PPARGC1A: variants seen among roughly 807,000 people sequenced by gnomAD.
The protein encoded by PPARGC1A is peroxisome proliferator-activated receptor gamma coactivator 1-alpha.
In PPARGC1A, 25 loss-of-function variants were observed where a neutral mutation model predicts 88.7. That is an observed-to-expected ratio of 0.28 (90% CI 0.21 to 0.39). The LOEUF (loss-of-function observed/expected upper bound fraction) is 0.39. Among genes scored for constraint, PPARGC1A ranks in the 10% least tolerant of loss-of-function variants. The pLI is 1.00. For synonymous variants in PPARGC1A, 363 were observed against 355.6 expected, an observed-to-expected ratio of 1.02 and a Z score of -0.24; for missense variants, 880 against 968.7, an observed-to-expected ratio of 0.91 and a Z score of 1.22.
At chr4:24,323,742 G>A in the PPARGC1A span, among the ~76,000 whole-genome samples, 1 of 152,140 alleles carries the variant, frequency 6.6e-6, no homozygotes, top group African/African-American at 2.4e-5. Context: ...TCGGATCGGG[G>A]GACCTCCCTT....
the PPARGC1A span, among the ~76,000 whole-genome samples, chr4:24,454,616 T>C: frequency 1.3e-5 from 2 of 152,012 alleles, no homozygotes; most frequent in African/African-American, 4.8e-5. Flanking sequence ...TGCATGCCTA[T>C]AGCCCCACCT....
At chr4:23,994,692 G>A in the PPARGC1A span, among the ~76,000 whole-genome samples, 6 of 152,222 alleles carry the variant, frequency 3.9e-5, no homozygotes, top group East Asian at 7.7e-4. Flanking sequence ...GCAAGAGCAT[G>A]CAGGGAAAAC....
the PPARGC1A span, among the ~76,000 whole-genome samples, chr4:24,421,477 A>AT: frequency 6.6e-6 from 1 of 151,888 alleles, no homozygotes; most frequent in East Asian, 1.9e-4. Context: ...AGTCCGGCTA[A>AT]TTTTTTTGCA....
At chr4:24,467,080 GGGA>G in the PPARGC1A span, among the ~76,000 whole-genome samples, 1 of 143,866 alleles carries the variant, frequency 7.0e-6, no homozygotes, top group African/African-American at 2.6e-5. Context: ...AAGAAAGAAA[GGGA>G]GAGAGAGAGA....
chr4:24,137,618 C>T, the PPARGC1A span, among the ~76,000 whole-genome samples: 824 of 152,262 alleles, frequency 5.4e-3, 31 homozygotes, highest in East Asian at 0.098. Flanking sequence ...TTCAGAGGCC[C>T]TTGCCCAGTC....
the PPARGC1A span, among the ~76,000 whole-genome samples, chr4:23,986,235 T>TA: frequency 2.6e-4 from 40 of 151,068 alleles, no homozygotes; most frequent in African/African-American, 8.5e-4. Flanking sequence ...TAAGGCAGAT[T>TA]AAAAAAAAAG....
chr4:24,104,864 A>G, the PPARGC1A span, among the ~76,000 whole-genome samples: 1 of 152,186 alleles, frequency 6.6e-6, no homozygotes, highest in African/African-American at 2.4e-5. Flanking sequence ...TTAAAAATGT[A>G]GCCTCTTTCA....
At chr4:23,801,614 A>G (rs982590925) in intron 12 of PPARGC1A, 116 bp downstream of exon 12, 174 of 1,153,416 alleles carry the variant, frequency 1.5e-4, no homozygotes, top group Non-Finnish European at 2.0e-4. Context: ...GTATTCAAAC[A>G]TTCCCTTTAG....
intron 2 of PPARGC1A, among the ~76,000 whole-genome samples, chr4:23,873,206 A>AAAAAAC (rs1713894126): frequency 7.1e-6 from 1 of 140,600 alleles, no homozygotes; most frequent in African/African-American, 2.7e-5. Flanking sequence ...TCAAAAATAA[A>AAAAAAC]AAATAAAAAA....
chr4:24,447,193 C>G, the PPARGC1A span, among the ~76,000 whole-genome samples: 354 of 152,290 alleles, frequency 2.3e-3, no homozygotes, highest in African/African-American at 8.0e-3. Flanking sequence ...TCCCAAGGCT[C>G]TGGAGAAACA....
chr4:24,253,971 C>G, the PPARGC1A span, among the ~76,000 whole-genome samples: 1 of 152,176 alleles, frequency 6.6e-6, no homozygotes, highest in African/African-American at 2.4e-5. Flanking sequence ...AGTTCCTGCT[C>G]AAATATCTTA....
At chr4:24,262,384 C>A in the PPARGC1A span, among the ~76,000 whole-genome samples, 1 of 152,216 alleles carries the variant, frequency 6.6e-6, no homozygotes, top group Non-Finnish European at 1.5e-5. Flanking sequence ...ATATCAGAAG[C>A]ACTTCCACCA....
the PPARGC1A span, among the ~76,000 whole-genome samples, chr4:24,468,435 G>C: frequency 4.6e-5 from 7 of 152,004 alleles, no homozygotes; most frequent in African/African-American, 1.5e-4. Context: ...GCTCCCCCCC[G>C]CACACACACA....
chr4:24,330,924 C>T, the PPARGC1A span, among the ~76,000 whole-genome samples: 72,616 of 151,948 alleles, frequency 0.48, 19,071 homozygotes, highest in Admixed American at 0.65. Context: ...CTTCTCTTTC[C>T]TTCTGCCCAT....
chr4:24,223,874 A>T, the PPARGC1A span, among the ~76,000 whole-genome samples: 87 of 152,372 alleles, frequency 5.7e-4, no homozygotes, highest in African/African-American at 1.9e-3. Context: ...TTCACTTAGC[A>T]TTCCACTAAT....
At chr4:23,965,058 C>A in the PPARGC1A span, among the ~76,000 whole-genome samples, 2 of 152,166 alleles carry the variant, frequency 1.3e-5, no homozygotes, top group African/African-American at 4.8e-5. Flanking sequence ...TGGGACCATC[C>A]TTCCCCTATT....
chr4:24,168,721 T>C, the PPARGC1A span, among the ~76,000 whole-genome samples: 1 of 151,994 alleles, frequency 6.6e-6, no homozygotes, highest in East Asian at 1.9e-4. Flanking sequence ...ATTTTCCCAA[T>C]GGCCAAAGCC....
At chr4:24,204,539 C>A in the PPARGC1A span, among the ~76,000 whole-genome samples, 1 of 151,948 alleles carries the variant, frequency 6.6e-6, no homozygotes, top group Non-Finnish European at 1.5e-5. Context: ...AAGGGAAATT[C>A]TTTCTATAGT....
the PPARGC1A span, among the ~76,000 whole-genome samples, chr4:23,982,393 G>C: frequency 1.3e-5 from 2 of 152,118 alleles, no homozygotes; most frequent in Admixed American, 6.6e-5. Context: ...AGCCAGTGGA[G>C]CGAAAAATAA....
Sources: allele counts gnomAD v4.1 joint callset (sites outside exome capture counted in the v4.1 genomes callset), GRCh38; gene constraint gnomAD v4.1.1; transcripts MANE v1.5; gene names NCBI Gene and HGNC (gene_info 2026-07-23, HGNC 2026-07-21).